The following MINDY4B variants were observed in gnomAD, a reference collection of about 807,000 sequenced individuals.
MINDY4B encodes inactive ubiquitin carboxyl-terminal hydrolase MINDY-4B.
A neutral mutation model predicts 16.7 loss-of-function variants in MINDY4B; 25 were observed. The ratio of observed to expected loss-of-function variants is 1.49; its 90% CI spans 1.09 to 2.09. The LOEUF is 2.09. MINDY4B is among the 30% of genes most tolerant of loss of function. The probability of loss-of-function intolerance (pLI) is 0.00; values close to 1 mark genes in which losing one functional copy is unlikely to be tolerated. For synonymous variants in MINDY4B, 132 were observed against 61.9 expected (o/e 2.13, Z -5.32); for missense variants, 327 against 168.4 (o/e 1.94, Z -5.21).
intron 3 of MINDY4B, among the ~76,000 whole-genome samples, chr3:150,896,569 G>A (rs1412749356): frequency 2.0e-5 from 3 of 152,248 alleles, no homozygotes; most frequent in African/African-American, 4.8e-5. Flanking sequence ...TTTGTCCCAC[G>A]GGGCGTTCCC....
intron 4 of MINDY4B, 30 bp downstream of exon 4, chr3:150,894,156 G>A: frequency 1.5e-6 from 1 of 670,640 alleles, no homozygotes; most frequent in Non-Finnish European, 2.7e-6. Context: ...TGGGAATAAG[G>A]TTTTTTAAAA....
intron 3 of MINDY4B, among the ~76,000 whole-genome samples, chr3:150,896,731 C>T (rs534356894): frequency 3.9e-5 from 6 of 152,218 alleles, no homozygotes; most frequent in East Asian, 1.9e-4. Flanking sequence ...TGATGTGAAC[C>T]GTCTGTGAGT....
At chr3:150,888,682 T>A (rs980900293) in intron 7 of MINDY4B, among the ~76,000 whole-genome samples, 28 of 152,296 alleles carry the variant, frequency 1.8e-4, no homozygotes, top group Admixed American at 7.8e-4. Flanking sequence ...CCTTCCCTAG[T>A]GTGGCTAAGG....
chr3:150,896,973 T>C (rs1038778274), intron 3 of MINDY4B, among the ~76,000 whole-genome samples: 1 of 152,202 alleles, frequency 6.6e-6, no homozygotes, highest in Non-Finnish European at 1.5e-5. Flanking sequence ...AACTGCTGCC[T>C]GTGAAAGCTC....
In MINDY4B at chr3:150,881,008, A is replaced by G. The variant is rs186340354; in HGVS notation, c.1059+1889T>C. On this transcript the variant is annotated intron_variant, in intron 10 of 11. Coordinates refer to ENST00000465419, the MANE Select transcript of MINDY4B (RefSeq NM_001351281.2). ...TCTGGAAAAAGTGATTAGGAGCTTT[A>G]TAACGATAAACAATTCTCTGTCCAG... Among the ~76,000 whole-genome samples, 36 of 152,384 alleles carry G rather than the reference A, an allele frequency of 2.4e-4. No homozygotes were observed. The East Asian group carries it at 6.4e-3, about 27-fold the overall frequency.
intron 10 of MINDY4B, among the ~76,000 whole-genome samples, chr3:150,877,659 T>C (rs1711498907): frequency 6.6e-6 from 1 of 152,030 alleles, no homozygotes; most frequent in Admixed American, 6.6e-5. Flanking sequence ...GGAGGTAAAG[T>C]GGAGGCAGTT....
At chr3:150,882,795 G>A (rs146673351) in intron 10 of MINDY4B, 102 bp downstream of exon 10, 276 of 519,580 alleles carry the variant, frequency 5.3e-4, no homozygotes, top group African/African-American at 4.7e-3. Flanking sequence ...AGACAGTAAG[G>A]GAGAAAGTAG....
At chr3:150,886,788 T>A (rs1269255944) in intron 7 of MINDY4B, among the ~76,000 whole-genome samples, 9 of 152,158 alleles carry the variant, frequency 5.9e-5, no homozygotes, top group Non-Finnish European at 1.3e-4. Context: ...CTTTCCCTTA[T>A]AAAGACCCTT....
At chr3:150,888,361 C>T (rs966020422) in intron 7 of MINDY4B, among the ~76,000 whole-genome samples, 1 of 152,146 alleles carries the variant, frequency 6.6e-6, no homozygotes, top group African/African-American at 2.4e-5. Flanking sequence ...ATCTAAAAGA[C>T]TTTATTTTCA....
At position 150,890,943 on chromosome 3, in the gene MINDY4B, C is replaced by G. The variant is rs1711784433; in HGVS notation, c.682G>C (p.Glu228Gln). Reference protein sequence around the residue: ...TPDYSVDNFTERLQLFEFLEK... With the variant: ...TPDYSVDNFTQRLQLFEFLEK... ...ACAGGGAGAACTGCACTTACTCGCT[C>G]AGTGAAATTGTCCACAGAGTAGTCC... Residue 228 changes from glutamate (E) to glutamine (Q), a missense_variant, in exon 6 of 12, where the codon GAG (glutamate) becomes CAG (glutamine). Physicochemically the swap from Glu to Gln is conservative, Grantham distance 29 (BLOSUM62 2). Coordinates refer to ENST00000465419, the MANE Select transcript of MINDY4B (RefSeq NM_001351281.2). 2.8e-6 allele frequency: 2 copies of G among 702,484 alleles called. No individual in the cohort carries two copies. The highest frequency in any genetic ancestry group is 2.3e-4 in the Middle Eastern group (1 of 4,382). The allele number at this position is 702,484 out of a possible 1,614,324, so 43.5% of individuals were successfully genotyped here.
chr3:150,885,687 G>T (rs1466774099), intron 7 of MINDY4B, among the ~76,000 whole-genome samples: 6 of 152,128 alleles, frequency 3.9e-5, no homozygotes, highest in Admixed American at 3.3e-4. Context: ...CTTCTACCAT[G>T]TGATTCTCTT....
Position 150,905,096 on chromosome 3 carries a change from A to G in MINDY4B, c.114-7T>C, listed in dbSNP as rs1712209041. The stretch of plus-strand genomic sequence containing the variant: ...TGAATTATTGGTTCCCAACCTTTAA[A>G]TGAAAGAGAAAACATCAAGTAAATT... On this transcript the variant is annotated splice_region_variant and splice_polypyrimidine_tract_variant and intron_variant, in intron 1 of 11. Transcript: ENST00000465419. The G allele has an allele frequency of 5.0e-6, 2 of 398,438 alleles. No individual in the cohort carries two copies. Among genetic ancestry groups the G allele is most frequent in the South Asian group, 1.3e-4 (1 of 7,866 alleles). The allele number at this position is 398,438 out of a possible 1,614,324, so 24.7% of individuals were successfully genotyped here.
intron 3 of MINDY4B, among the ~76,000 whole-genome samples, chr3:150,894,988 G>T (rs563963666): frequency 6.0e-4 from 92 of 152,288 alleles, no homozygotes; most frequent in African/African-American, 2.2e-3. Flanking sequence ...GGAGGAGAGA[G>T]AACTTCTGAC....
chr3:150,898,734 G>T (rs2107910293), intron 3 of MINDY4B, among the ~76,000 whole-genome samples: 1 of 152,124 alleles, frequency 6.6e-6, no homozygotes, highest in Middle Eastern at 3.4e-3. Context: ...TTCTTTCCTG[G>T]CACTTTGTTC....
In MINDY4B at chr3:150,891,120, A is replaced by G; in HGVS notation, c.522-17T>C. 1.4e-6 allele frequency: 1 copy of G among 693,022 alleles called. No individual in the cohort carries two copies. Among genetic ancestry groups the G allele is most frequent in the Non-Finnish European group, 2.7e-6 (1 of 376,706 alleles). The allele number at this position is 693,022 out of a possible 1,614,324, so 42.9% of individuals were successfully genotyped here. A position where few individuals can be genotyped will look rare whatever the true frequency, so the allele number is the denominator to read the frequency against. ...TCACATAAGCTATAATGCAGAAGGC[A>G]GGAGTAGGAAACCATTGGAATGAAC... On this transcript the variant is annotated splice_polypyrimidine_tract_variant and intron_variant, in intron 5 of 11. Coordinates refer to ENST00000465419, the MANE Select transcript of MINDY4B (RefSeq NM_001351281.2).
At position 150,890,411 on chromosome 3, in the gene MINDY4B, A is replaced by C; in HGVS notation, c.688-26T>G. 6.7e-6 allele frequency: 4 copies of C among 600,252 alleles called. No individual in the cohort carries two copies. The South Asian group carries it at 7.9e-5, about 12-fold the overall frequency. The allele number at this position is 600,252 out of a possible 1,614,324, so 37.2% of individuals were successfully genotyped here. A position where few individuals can be genotyped will look rare whatever the true frequency, so the allele number is the denominator to read the frequency against. On this transcript the variant is annotated intron_variant, in intron 6 of 11. Transcript: ENST00000465419. ...CTATAAATCAGGAACAGAAGATAAA[A>C]ATGAAAAGGAAGATGAAAGTTACAT...
rs60659488 is a variant in MINDY4B at position 150,880,305 on chromosome 3, C to CTGTGTGTGTGTGTGTGTG, written c.1059+2574_1059+2591dup. ...CCTCACCTTTATGCCAGGTTCCCAT[C>CTGTGTGTGTGTGTGTGTG]TGTGTGTGTGTGTGTGTGTGTGTGT... On this transcript the variant is annotated intron_variant, in intron 10 of 11. Coordinates refer to ENST00000465419, the MANE Select transcript of MINDY4B (RefSeq NM_001351281.2). Among the ~76,000 whole-genome samples, 48 of 149,886 alleles carry CTGTGTGTGTGTGTGTGTG rather than the reference C, an allele frequency of 3.2e-4. 1 individual carries two copies. The highest frequency in any genetic ancestry group is 1.1e-3 in the African/African-American group (44 of 40,822).
At chr3:150,888,366 T>C (rs142966142) in intron 7 of MINDY4B, among the ~76,000 whole-genome samples, 1 of 152,264 alleles carries the variant, frequency 6.6e-6, no homozygotes, top group Non-Finnish European at 1.5e-5. Flanking sequence ...AAAGACTTTA[T>C]TTTCAATAAG....
At chr3:150,881,741 A>G (rs1711524783) in intron 10 of MINDY4B, among the ~76,000 whole-genome samples, 1 of 152,140 alleles carries the variant, frequency 6.6e-6, no homozygotes, top group African/African-American at 2.4e-5. Flanking sequence ...CTTGTCTATC[A>G]CTTCACATTT....
Sources: gnomAD v4.1 joint callset for allele counts (sites outside exome capture counted in the v4.1 genomes callset) on GRCh38, gnomAD v4.1.1 for gene constraint, MANE v1.5 for transcripts, NCBI Gene and HGNC (gene_info 2026-07-23, HGNC 2026-07-21) for gene names.